Variants in CUL4A observed in about 807,000 individuals in gnomAD.
The protein encoded by CUL4A is cullin-4A.
In CUL4A, 16 loss-of-function variants were observed where a neutral mutation model predicts 95.5. That is an observed-to-expected ratio of 0.17 (90% CI 0.11 to 0.25). The LOEUF is 0.25. Ranked by LOEUF, CUL4A falls within the 10% of genes least tolerant of loss-of-function variation. CUL4A has a pLI of 1.00. For synonymous variants in CUL4A, 380 were observed against 353.1 expected, an observed-to-expected ratio of 1.08 and a Z score of -0.85; for missense variants, 610 against 937.0, an observed-to-expected ratio of 0.65 and a Z score of 4.56.
chr13:113,208,544 A>ACGGAACACGCCGAGGG, upstream of CUL4A: 1 of 1,590,772 alleles, frequency 6.3e-7, no homozygotes, highest in East Asian at 2.3e-5. Flanking sequence ...GAGGGGACAC[A>ACGGAACACGCCGAGGG]CGGAACACGC....
intron 7 of CUL4A, among the ~76,000 whole-genome samples, chr13:113,234,197 C>A (rs532586379): frequency 6.6e-6 from 1 of 152,140 alleles, no homozygotes; most frequent in East Asian, 1.9e-4. Flanking sequence ...CTATTGCACT[C>A]CCCCCACAAG....
intron 10 of CUL4A, among the ~76,000 whole-genome samples, chr13:113,242,088 A>T (rs9549709): frequency 6.6e-6 from 1 of 151,894 alleles, no homozygotes; most frequent in African/African-American, 2.4e-5. Context: ...AGGCCAAGGC[A>T]GGCAGATCAT....
At chr13:113,230,780 T>G (rs9549703) in intron 5 of CUL4A, among the ~76,000 whole-genome samples, 192 of 151,934 alleles carry the variant, frequency 1.3e-3, no homozygotes, top group African/African-American at 3.5e-3. Context: ...ATTATTATTA[T>G]TATTTTTAGA....
intron 6 of CUL4A, 114 bp downstream of exon 6, chr13:113,233,453 T>C: frequency 2.9e-6 from 3 of 1,025,076 alleles, no homozygotes; most frequent in Non-Finnish European, 4.2e-6. Context: ...TTGTTGAAGA[T>C]AGGAGAGTCT....
At chr13:113,251,292 G>A (rs1214739072) in intron 15 of CUL4A, among the ~76,000 whole-genome samples, 2 of 152,228 alleles carry the variant, frequency 1.3e-5, no homozygotes, top group Admixed American at 1.3e-4. Context: ...GTGTGTGAAA[G>A]TCTGAGGGGA....
chr13:113,261,306 C>A (rs2042268455), intron 19 of CUL4A, among the ~76,000 whole-genome samples: 1 of 152,108 alleles, frequency 6.6e-6, no homozygotes, highest in Non-Finnish European at 1.5e-5. Context: ...TTTATCAACC[C>A]AGGAAATACT....
In CUL4A at chr13:113,238,260, A is replaced by T. The variant is rs553694298; in HGVS notation, c.917-1173A>T. Among the ~76,000 whole-genome samples, 12 of 152,222 alleles carry T rather than the reference A, an allele frequency of 7.9e-5. No homozygotes were observed. The South Asian group carries it at 2.5e-3, about 32-fold the overall frequency. ...TTCACGACCAGCCTGGGCAACAAAG[A>T]GAGACCCTGTCTCTACCAAAAAAAT... On this transcript the variant is annotated intron_variant, in intron 9 of 19. Transcript: ENST00000375440.
chr13:113,240,914 C>T (rs2041690346), intron 10 of CUL4A, among the ~76,000 whole-genome samples: 2 of 152,116 alleles, frequency 1.3e-5, no homozygotes, highest in South Asian at 2.1e-4. Context: ...TTGGAGGAAA[C>T]TGTGGAAATA....
At chr13:113,228,498 G>A (rs772681016) in intron 4 of CUL4A, among the ~76,000 whole-genome samples, 5 of 152,226 alleles carry the variant, frequency 3.3e-5, no homozygotes, top group South Asian at 4.2e-4. Flanking sequence ...TCCTAAGTAG[G>A]TTGAAATCTT....
At chr13:113,248,044 C>G (rs898833324) in intron 15 of CUL4A, among the ~76,000 whole-genome samples, 1 of 152,088 alleles carries the variant, frequency 6.6e-6, no homozygotes, top group Non-Finnish European at 1.5e-5. Flanking sequence ...ATCACGTGCC[C>G]CAGTGTCTTG....
chr13:113,229,589 C>T (rs931328095), intron 5 of CUL4A, 70 bp downstream of exon 5: 47 of 1,280,214 alleles, frequency 3.7e-5, no homozygotes, highest in African/African-American at 8.8e-5. Flanking sequence ...TTGTGTCTTC[C>T]GCAGGCTAAG....
At chr13:113,223,534 A>G (rs1189353829) in intron 3 of CUL4A, among the ~76,000 whole-genome samples, 1 of 152,108 alleles carries the variant, frequency 6.6e-6, no homozygotes, top group Non-Finnish European at 1.5e-5. Context: ...AGTAGCTGGG[A>G]TTACAGGAAT....
chr13:113,238,790 TGA>T (rs2041621960), intron 9 of CUL4A, among the ~76,000 whole-genome samples: 1 of 152,214 alleles, frequency 6.6e-6, no homozygotes. Flanking sequence ...AGGCAGAATC[TGA>T]GACTTTGTGA....
In CUL4A at chr13:113,236,832, G is replaced by C; in HGVS notation, c.858G>C (p.Leu286=). 6.2e-7 allele frequency: 1 copy of C among 1,609,370 alleles called. No homozygotes were observed. Among genetic ancestry groups the C allele is most frequent in the Non-Finnish European group, 8.5e-7 (1 of 1,176,710 alleles). The change falls in exon 9 of 20, where the codon CTG becomes CTC. Residue 286 remains leucine (L), a synonymous_variant. Transcript: ENST00000375440. ...TTTTTACCTTATATAGGAAACCACTGATTGCTTGTGTGGAGAAACAGCTAT... is the reference window on the plus strand; with the variant it reads ...TTTTTACCTTATATAGGAAACCACTCATTGCTTGTGTGGAGAAACAGCTAT... ...TYLDHSTQKP[L]IACVEKQLLG...
intron 2 of CUL4A, among the ~76,000 whole-genome samples, chr13:113,214,422 A>G (rs1362983922): frequency 6.6e-6 from 1 of 152,154 alleles, no homozygotes; most frequent in Non-Finnish European, 1.5e-5. Flanking sequence ...AAAACTGAAG[A>G]CTGCATTTCT....
At chr13:113,213,585 C>G (rs2040532951) in intron 2 of CUL4A, among the ~76,000 whole-genome samples, 1 of 152,200 alleles carries the variant, frequency 6.6e-6, no homozygotes, top group Admixed American at 6.5e-5. Context: ...ATTTGGCTGT[C>G]TGATATCTGC....
At chr13:113,209,588 GGCGGCGCTCGGGGCGGGGC>G, upstream of CUL4A, 2 of 985,048 alleles carry the variant, frequency 2.0e-6, no homozygotes, top group Non-Finnish European at 2.4e-6. Flanking sequence ...CTCGGCGGGC[GGCGGCGCTCGGGGCGGGGC>G]GCGGCGGTTC....
intron 15 of CUL4A, 30 bp downstream of exon 15, chr13:113,246,093 C>G: frequency 6.5e-7 from 1 of 1,528,522 alleles, no homozygotes; most frequent in South Asian, 1.1e-5. Flanking sequence ...GCTGTCCGCT[C>G]CCGCTGTCAT....
intron 10 of CUL4A, among the ~76,000 whole-genome samples, chr13:113,241,511 CTT>C (rs10645246): frequency 8.3e-5 from 10 of 120,070 alleles, no homozygotes; most frequent in Admixed American, 1.9e-4. Context: ...CTGTTGGCAT[CTT>C]TTTTTTTTTT....
Sources: allele counts gnomAD v4.1 joint callset (sites outside exome capture counted in the v4.1 genomes callset), GRCh38; gene constraint gnomAD v4.1.1; transcripts MANE v1.5; gene names NCBI Gene and HGNC (gene_info 2026-07-23, HGNC 2026-07-21).